Variants in PTPN12 observed in about 807,000 individuals in gnomAD.
The protein encoded by PTPN12 is protein tyrosine phosphatase non-receptor type 12.
In PTPN12, 29 loss-of-function variants were observed where a neutral mutation model predicts 97.6. The observed-to-expected ratio is 0.30, with a 90% CI of 0.22 to 0.41. The LOEUF (loss-of-function observed/expected upper bound fraction) is 0.41, where lower values mean the gene tolerates loss of function less well. Among genes scored for constraint, PTPN12 ranks in the 10% least tolerant of loss-of-function variants. PTPN12 has a pLI of 1.00. For missense variants in PTPN12, 819 were observed against 926.0 expected (o/e 0.88, Z 1.50); for synonymous variants, 327 against 300.4 (o/e 1.09, Z -0.91).
intron 12 of PTPN12, among the ~76,000 whole-genome samples, chr7:77,620,602 A>G (rs79824851): frequency 0.01 from 1,527 of 152,342 alleles, 32 homozygotes; most frequent in African/African-American, 0.035. Context: ...CAAGTAAAAT[A>G]GTATATTTTG....
intron 1 of PTPN12, chr7:77,537,931 A>C (rs1406689907): frequency 3.3e-6 from 2 of 614,068 alleles, no homozygotes; most frequent in Non-Finnish European, 4.2e-6. Context: ...GCTCGCGACC[A>C]CCTATTGTTT....
At chr7:77,635,332 G>A (rs1051765030) in intron 14 of PTPN12, among the ~76,000 whole-genome samples, 5 of 152,206 alleles carry the variant, frequency 3.3e-5, no homozygotes, top group Non-Finnish European at 5.9e-5. Context: ...AAGAAGCTGA[G>A]ATGGGAAGAT....
intron 1 of PTPN12, among the ~76,000 whole-genome samples, chr7:77,546,413 C>G (rs1807222356): frequency 6.6e-6 from 1 of 152,204 alleles, no homozygotes; most frequent in Admixed American, 6.5e-5. Flanking sequence ...TTCTAAACCA[C>G]TAGTCTTTTC....
intron 2 of PTPN12, among the ~76,000 whole-genome samples, chr7:77,579,415 A>G (rs1341548606): frequency 6.6e-6 from 1 of 152,172 alleles, no homozygotes; most frequent in African/African-American, 2.4e-5. Flanking sequence ...GTGAGCCACT[A>G]TGCCTGGCCA....
At chr7:77,548,436 T>C (rs1325452155) in intron 1 of PTPN12, among the ~76,000 whole-genome samples, 1 of 152,170 alleles carries the variant, frequency 6.6e-6, no homozygotes, top group Non-Finnish European at 1.5e-5. Flanking sequence ...TTCCCCATTG[T>C]GTATGTTGGT....
intron 11 of PTPN12, among the ~76,000 whole-genome samples, chr7:77,615,926 T>C (rs1372879840): frequency 6.6e-6 from 1 of 152,216 alleles, no homozygotes; most frequent in Non-Finnish European, 1.5e-5. Flanking sequence ...AGGTAGTGGC[T>C]CTTTATCGAA....
At chr7:77,586,952 AG>A (rs1260921574) in intron 5 of PTPN12, among the ~76,000 whole-genome samples, 1 of 152,200 alleles carries the variant, frequency 6.6e-6, no homozygotes, top group Non-Finnish European at 1.5e-5. Flanking sequence ...TCCATCTTCA[AG>A]CTCCACTTCT....
At position 77,605,415 on chromosome 7, in the gene PTPN12, T is replaced by G. The variant is rs936889385; in HGVS notation, c.696-1820T>G. Among the ~76,000 whole-genome samples the G allele has an allele frequency of 3.0e-4, 37 of 123,454 alleles. 4 individuals are homozygous for G. In the East Asian group the frequency reaches 3.6e-3, roughly 12 times the overall value. 81.0% of individuals were successfully genotyped at this position (123,454 alleles called of 152,430 possible). A position where few individuals can be genotyped will look rare whatever the true frequency, so the allele number is the denominator to read the frequency against. On this transcript the variant is annotated intron_variant, in intron 8 of 17. Transcript: ENST00000248594. ...TAAAATACTTTTGTCATGAGTTTTT[T>G]TTTTTTTTTTTTTTTTTTTTTTGAG...
intron 12 of PTPN12, among the ~76,000 whole-genome samples, chr7:77,625,472 G>GCTCTCTCTCGCTCTCT (rs1789112979): frequency 3.0e-5 from 1 of 33,522 alleles, no homozygotes; most frequent in Non-Finnish European, 5.0e-5. Context: ...CAGGCTGCTC[G>GCTCTCTCTCGCTCTCT]CTCTCTCTCT....
intron 12 of PTPN12, among the ~76,000 whole-genome samples, chr7:77,623,045 T>G (rs1286431265): frequency 6.7e-6 from 1 of 150,208 alleles, no homozygotes; most frequent in African/African-American, 2.4e-5. Context: ...TGTGTTAGAA[T>G]TAAAGGGCAT....
At chr7:77,635,036 G>T in intron 14 of PTPN12, among the ~76,000 whole-genome samples, 1 of 151,760 alleles carries the variant, frequency 6.6e-6, no homozygotes, top group Middle Eastern at 3.2e-3. Flanking sequence ...TTAGAGATAG[G>T]GTCTCACCAT....
chr7:77,542,311 C>G (rs1488497336), intron 1 of PTPN12, among the ~76,000 whole-genome samples: 3 of 152,188 alleles, frequency 2.0e-5, no homozygotes, highest in African/African-American at 7.2e-5. Context: ...CTCACCTTCT[C>G]CAGCCTGCTC....
In PTPN12 at chr7:77,626,880, C is replaced by T; in HGVS notation, c.1201C>T (p.His401Tyr). 1 of 1,612,852 alleles carries T rather than the reference C, an allele frequency of 6.2e-7. No homozygotes were observed. Among genetic ancestry groups the T allele is most frequent in the Non-Finnish European group, 8.5e-7 (1 of 1,178,958 alleles). ...PVLHMVSSEQ[H>Y]SADLNRNYSK... ...GTTGCATATGGTTTCATCAGAACAA[C>T]ATTCAGCAGACCTCAACAGAAACTA... Residue 401 changes from histidine to tyrosine, a missense_variant, in exon 13 of 18, where the codon CAT becomes TAT. His to Tyr is a moderately conservative substitution (Grantham distance 83, BLOSUM62 2). Coordinates refer to ENST00000248594, the MANE Select transcript of PTPN12 (RefSeq NM_002835.4).
At chr7:77,627,811 C>T (rs1329340033) in intron 13 of PTPN12, 136 bp downstream of exon 13, 16 of 825,466 alleles carry the variant, frequency 1.9e-5, no homozygotes, top group Non-Finnish European at 2.6e-5. Flanking sequence ...GTCTTAGATA[C>T]TAATTTTTTA....
chr7:77,584,514 T>C (rs1408817020), intron 4 of PTPN12, among the ~76,000 whole-genome samples: 2 of 152,184 alleles, frequency 1.3e-5, no homozygotes, highest in African/African-American at 4.8e-5. Flanking sequence ...ATGTTCACTT[T>C]AGGATTTGTG....
At chr7:77,598,100 G>T (rs1456854099) in intron 7 of PTPN12, among the ~76,000 whole-genome samples, 199 bp downstream of exon 7, 1 of 151,982 alleles carries the variant, frequency 6.6e-6, no homozygotes, top group African/African-American at 2.4e-5. Context: ...GGTGGCATGT[G>T]CCCATAGTCC....
intron 1 of PTPN12, chr7:77,538,042 C>G: frequency 2.0e-6 from 2 of 1,006,754 alleles, no homozygotes; most frequent in Non-Finnish European, 2.4e-6. Context: ...AGGGTCGAGG[C>G]AAGGTATCTG....
At position 77,636,973 on chromosome 7, in the gene PTPN12, A is replaced by G. The variant is rs186335628; in HGVS notation, c.2143-45A>G. On this transcript the variant is annotated intron_variant, in intron 15 of 17. Coordinates refer to ENST00000248594, the MANE Select transcript of PTPN12 (RefSeq NM_002835.4). ...AGACCCAGCTTTCTATTATTTGTAT[A>G]TAAAATGAATGTATTGTAATAGGTA... The G allele has an allele frequency of 1.2e-5, 18 of 1,474,752 alleles. No individual in the cohort carries two copies. In the African/African-American group the frequency reaches 2.2e-4, roughly 18 times the overall value. The allele number at this position is 1,474,752 out of a possible 1,614,324, so 91.4% of individuals were successfully genotyped here.
Position 77,628,771 on chromosome 7 carries a change from C to T in PTPN12, c.1996+1096C>T, listed in dbSNP as rs376841867. Among the ~76,000 whole-genome samples the T allele has an allele frequency of 3.9e-5, 6 of 152,104 alleles. No individual in the cohort carries two copies. In the East Asian group the frequency reaches 5.8e-4, roughly 15 times the overall value. On this transcript the variant is annotated intron_variant, in intron 13 of 17. Transcript: ENST00000248594. ...CAGGCTGGTCTCAAATTCCTGGCCT[C>T]AAGTGATCTGCCCACCTAGGCCTCC...
Sources: allele counts gnomAD v4.1 joint callset (sites outside exome capture counted in the v4.1 genomes callset), GRCh38; gene constraint gnomAD v4.1.1; transcripts MANE v1.5; gene names NCBI Gene and HGNC (gene_info 2026-07-23, HGNC 2026-07-21).